ANO10: variants seen among roughly 807,000 people sequenced by gnomAD.
The protein encoded by ANO10 is anoctamin 10.
In ANO10, 77 loss-of-function variants were observed where a neutral mutation model predicts 74.7. The ratio of observed to expected loss-of-function variants is 1.03; its 90% CI spans 0.86 to 1.25. ANO10 has a LOEUF of 1.25. Ranked by LOEUF, ANO10 falls within the 50% of genes most tolerant of loss-of-function variation. The probability of loss-of-function intolerance (pLI) is 0.00; values close to 1 mark genes in which losing one functional copy is unlikely to be tolerated. For synonymous variants in ANO10, 279 were observed against 284.9 expected (o/e 0.98, Z 0.21); for missense variants, 721 against 778.1 (o/e 0.93, Z 0.87).
intron 12 of ANO10, among the ~76,000 whole-genome samples, chr3:43,380,311 C>T (rs2091923982): frequency 1.3e-5 from 2 of 152,052 alleles, no homozygotes; most frequent in South Asian, 2.1e-4. Context: ...ATCTAACATC[C>T]AAATACAAGA....
intron 1 of ANO10, among the ~76,000 whole-genome samples, chr3:43,655,334 T>C (rs1243929410): frequency 2.6e-5 from 4 of 152,194 alleles, no homozygotes; most frequent in African/African-American, 9.7e-5. Context: ...TTCTTCCTTC[T>C]GGTGGGTTCG....
At chr3:43,622,126 C>CGGGAGGGGCGGAACTGCGGT (rs1364625354), upstream of ANO10, 2 of 143,032 alleles carry the variant, frequency 1.4e-5, no homozygotes, top group African/African-American at 2.6e-5. Flanking sequence ...GCGGTAGCTC[C>CGGGAGGGGCGGAACTGCGGT]GGGAGGGGCG....
intron 12 of ANO10, among the ~76,000 whole-genome samples, chr3:43,423,224 G>C (rs1219401833): frequency 6.6e-6 from 1 of 152,014 alleles, no homozygotes; most frequent in East Asian, 1.9e-4. Flanking sequence ...AGTGATCCCA[G>C]AAAGGCACAT....
At chr3:43,370,274 A>C (rs977757495) in intron 12 of ANO10, among the ~76,000 whole-genome samples, 4 of 152,218 alleles carry the variant, frequency 2.6e-5, no homozygotes, top group Admixed American at 6.5e-5. Flanking sequence ...AAGAATCCTG[A>C]GACCTGGTTA....
intron 1 of ANO10, among the ~76,000 whole-genome samples, chr3:43,661,704 G>A (rs1305600085): frequency 2.6e-5 from 4 of 152,114 alleles, no homozygotes; most frequent in African/African-American, 4.8e-5. Flanking sequence ...CAAAGGGATG[G>A]GGGACGATCT....
At chr3:43,579,095 A>G (rs2081148792) in intron 5 of ANO10, among the ~76,000 whole-genome samples, 1 of 151,404 alleles carries the variant, frequency 6.6e-6, no homozygotes, top group Admixed American at 6.6e-5. Flanking sequence ...TCCTTTAAAG[A>G]AAAAAAAATG....
At chr3:43,392,614 T>C (rs1305915914) in intron 12 of ANO10, among the ~76,000 whole-genome samples, 4 of 152,216 alleles carry the variant, frequency 2.6e-5, no homozygotes, top group African/African-American at 7.2e-5. Flanking sequence ...CTTATATATA[T>C]GTGAGTAAAT....
chr3:43,657,552 G>C (rs972256641), intron 1 of ANO10, among the ~76,000 whole-genome samples: 1 of 152,210 alleles, frequency 6.6e-6, no homozygotes, highest in African/African-American at 2.4e-5. Flanking sequence ...TTTGACCCAA[G>C]TTAAAGCAAT....
At chr3:43,567,257 C>A (rs1208425508) in intron 7 of ANO10, among the ~76,000 whole-genome samples, 1 of 152,044 alleles carries the variant, frequency 6.6e-6, no homozygotes, top group Non-Finnish European at 1.5e-5. Context: ...GGAAAACACT[C>A]TGCAGGATAT....
intron 9 of ANO10, among the ~76,000 whole-genome samples, chr3:43,560,878 T>C (rs1421362116): frequency 6.6e-6 from 1 of 152,252 alleles, no homozygotes; most frequent in Non-Finnish European, 1.5e-5. Flanking sequence ...GTTTGAAGTG[T>C]CAAGAGCGAG....
At chr3:43,414,110 A>G (rs2092703934) in intron 12 of ANO10, among the ~76,000 whole-genome samples, 1 of 152,170 alleles carries the variant, frequency 6.6e-6, no homozygotes, top group African/African-American at 2.4e-5. Flanking sequence ...GCAAAGATAA[A>G]CAGAAGAAAA....
At chr3:43,546,766 G>A (rs986283961) in intron 11 of ANO10, among the ~76,000 whole-genome samples, 2 of 152,064 alleles carry the variant, frequency 1.3e-5, no homozygotes, top group African/African-American at 4.8e-5. Flanking sequence ...ACAGAAAACA[G>A]GCTGACAAAA....
intron 1 of ANO10, among the ~76,000 whole-genome samples, chr3:43,665,247 C>T (rs940759237): frequency 2.6e-5 from 4 of 152,100 alleles, no homozygotes; most frequent in African/African-American, 9.7e-5. Flanking sequence ...AGCTGGAAAC[C>T]ATCATTCTCA....
chr3:43,522,699 G>C (rs1199137504), intron 11 of ANO10, among the ~76,000 whole-genome samples: 1 of 152,206 alleles, frequency 6.6e-6, no homozygotes, highest in Non-Finnish European at 1.5e-5. Flanking sequence ...AAGGTTATCA[G>C]GTAGTTCACG....
rs142320083 is a variant in ANO10, at chr3:43,587,863, G to C, written c.473-7391C>G. Among the ~76,000 whole-genome samples the C allele has an allele frequency of 2.8e-3, 428 of 152,130 alleles. 2 individuals carry two copies. The highest frequency in any genetic ancestry group is 4.3e-3 in the Non-Finnish European group (291 of 67,980). Reference sequence around the variant, plus strand: ...ATACCATTAAAACAGGAGTTTAAAAGATGCTGAGAGAAATTTGTACAAATC... The same window carrying C: ...ATACCATTAAAACAGGAGTTTAAAACATGCTGAGAGAAATTTGTACAAATC... On this transcript the variant is annotated intron_variant, in intron 4 of 12. Coordinates refer to ENST00000292246, the MANE Select transcript of ANO10 (RefSeq NM_018075.5).
chr3:43,640,586 T>C (rs908719882), intron 1 of ANO10, among the ~76,000 whole-genome samples: 3 of 152,186 alleles, frequency 2.0e-5, no homozygotes, highest in Non-Finnish European at 4.4e-5. Flanking sequence ...TTTCTCACCA[T>C]GTAGCAAAAA....
chr3:43,565,771 TTAGAG>T, intron 7 of ANO10, 44 bp from the exon 8 acceptor site: 1 of 1,528,378 alleles, frequency 6.5e-7, no homozygotes, highest in Non-Finnish European at 8.9e-7. Flanking sequence ...AAGCACTGCT[TTAGAG>T]TACTTTACTA....
chr3:43,493,634 C>T (rs1337930742), intron 11 of ANO10, among the ~76,000 whole-genome samples: 1 of 151,928 alleles, frequency 6.6e-6, no homozygotes, highest in Non-Finnish European at 1.5e-5. Context: ...GTTAAAAAAG[C>T]ACTTGCTATA....
chr3:43,442,608 G>T (rs1351153132), intron 11 of ANO10, among the ~76,000 whole-genome samples: 2 of 152,072 alleles, frequency 1.3e-5, no homozygotes, highest in African/African-American at 2.4e-5. Context: ...TTGTTAAAAC[G>T]TGTATATCAC....
Sources: allele counts gnomAD v4.1 joint callset (sites outside exome capture counted in the v4.1 genomes callset), GRCh38; gene constraint gnomAD v4.1.1; transcripts MANE v1.5; gene names NCBI Gene and HGNC (gene_info 2026-07-23, HGNC 2026-07-21).